The following NUP35 variants were observed in gnomAD, a reference collection of about 807,000 sequenced individuals.
The protein encoded by NUP35 is nucleoporin 35.
NUP35 carries 25 observed loss-of-function variants against 41.5 expected under a neutral mutation model. The ratio of observed to expected loss-of-function variants is 0.60; its 90% CI spans 0.44 to 0.84. The LOEUF is 0.84. NUP35 is among the 40% of genes least tolerant of loss of function. NUP35 has a pLI of 0.00. For synonymous variants in NUP35, 149 were observed against 130.7 expected, an observed-to-expected ratio of 1.14 and a Z score of -0.96; for missense variants, 396 against 396.6, an observed-to-expected ratio of 1.00 and a Z score of 0.01.
intron 4 of NUP35, among the ~76,000 whole-genome samples, chr2:183,137,981 T>C (rs1473492917): frequency 6.6e-6 from 1 of 151,980 alleles, no homozygotes. Flanking sequence ...GGTTTTGTAA[T>C]TGTAGAAACT....
intron 4 of NUP35, among the ~76,000 whole-genome samples, chr2:183,142,930 GT>G (rs1383571638): frequency 1.3e-5 from 2 of 151,904 alleles, no homozygotes; most frequent in Admixed American, 1.3e-4. Flanking sequence ...GCCGAGGTGG[GT>G]GGGTCACGAG....
upstream of NUP35, among the ~76,000 whole-genome samples, chr2:183,119,520 C>T (rs1269162997): frequency 2.6e-5 from 4 of 152,036 alleles, no homozygotes; most frequent in Non-Finnish European, 5.9e-5. Context: ...CAAGACTTTG[C>T]AAATTGGGGT....
At chr2:183,146,006 CAGG>C (rs1685263844) in intron 4 of NUP35, among the ~76,000 whole-genome samples, 1 of 152,160 alleles carries the variant, frequency 6.6e-6, no homozygotes, top group East Asian at 1.9e-4. Flanking sequence ...GAGGCCAAGG[CAGG>C]TGGATCACCT....
At chr2:183,120,732 G>T (rs1291100474), upstream of NUP35, among the ~76,000 whole-genome samples, 1 of 152,180 alleles carries the variant, frequency 6.6e-6, no homozygotes, top group Admixed American at 6.5e-5. Context: ...TTTAGTGAGA[G>T]AGTTGGGCTC....
In NUP35 at chr2:183,124,447, T is replaced by C. The variant is rs763755784; in HGVS notation, c.-11T>C. On this transcript the variant is annotated 5_prime_UTR_variant, in exon 1 of 9. Coordinates refer to ENST00000295119, the MANE Select transcript of NUP35 (RefSeq NM_138285.5). ...GGGAAGGTACTGGTTTTAAGTGTAG[T>C]TGCCGACGCAATGGCAGCCTTTGCA... The C allele has an allele frequency of 6.2e-7, 1 of 1,614,158 alleles. No individual in the cohort carries two copies. The highest frequency in any genetic ancestry group is 1.7e-5 in the Admixed American group (1 of 60,024).
In NUP35 at chr2:183,131,602, A is replaced by G. The variant is rs1417265163; in HGVS notation, c.339+1057A>G. Among the ~76,000 whole-genome samples, 5 of 152,200 alleles carry G rather than the reference A, an allele frequency of 3.3e-5. No individual in the cohort carries two copies. In the East Asian group the frequency reaches 9.6e-4, roughly 29 times the overall value. On this transcript the variant is annotated intron_variant, in intron 3 of 8. Transcript: ENST00000295119. Reference sequence around the variant, plus strand: ...ACTTCTAGACCTGCCTTCCTGTCCAACAGGAGCCACTAGCTAAGTGTGGCT... The same window carrying G: ...ACTTCTAGACCTGCCTTCCTGTCCAGCAGGAGCCACTAGCTAAGTGTGGCT...
At chr2:183,133,489 C>T in intron 3 of NUP35, 77 bp from the exon 4 acceptor site, 2 of 1,117,092 alleles carry the variant, frequency 1.8e-6, no homozygotes, top group Non-Finnish European at 2.6e-6. Context: ...TTCAGTTATC[C>T]ATTGAATGAA....
Position 183,161,050 on chromosome 2 carries a change from A to G in NUP35, c.904-4A>G. ...CCGTTTTTTTTGTGTGTGTTTTTTA[A>G]TAGGTTATTTCTGACAGACAAACGC... On this transcript the variant is annotated splice_polypyrimidine_tract_variant and splice_region_variant and intron_variant, in intron 8 of 8. Transcript: ENST00000295119. The G allele has an allele frequency of 6.2e-7, 1 of 1,609,836 alleles. No homozygotes were observed. The highest frequency in any genetic ancestry group is 8.5e-7 in the Non-Finnish European group (1 of 1,176,696).
intron 1 of NUP35, among the ~76,000 whole-genome samples, chr2:183,117,788 A>G (rs1272698706): frequency 6.6e-6 from 1 of 152,206 alleles, no homozygotes; most frequent in African/African-American, 2.4e-5. Context: ...AATATTCAGT[A>G]TATATGATAG....
chr2:183,153,038 A>C (rs1685524742), intron 5 of NUP35, among the ~76,000 whole-genome samples: 1 of 152,176 alleles, frequency 6.6e-6, no homozygotes, highest in South Asian at 2.1e-4. Flanking sequence ...TGACGGTGTC[A>C]AGAGAAAATG....
rs188472689 is a variant in NUP35 at position 183,156,561 on chromosome 2, G to A, written c.540-883G>A. ...TCACCAGGTTGGCCAGGCTGGTCTC[G>A]AACTCCTGACCTCAAGTGATCCACC... On this transcript the variant is annotated intron_variant, in intron 5 of 8. Transcript: ENST00000295119. Among the ~76,000 whole-genome samples the A allele has an allele frequency of 4.2e-3, 636 of 152,052 alleles. 4 individuals carry two copies. Among genetic ancestry groups the A allele is most frequent in the African/African-American group, 0.012 (517 of 41,502 alleles).
At chr2:183,154,157 A>C (rs1429881528) in intron 5 of NUP35, among the ~76,000 whole-genome samples, 1 of 152,190 alleles carries the variant, frequency 6.6e-6, no homozygotes, top group Non-Finnish European at 1.5e-5. Context: ...CTGGACCACA[A>C]AACCGCTTTT....
chr2:183,140,901 AGCC>A, intron 4 of NUP35, among the ~76,000 whole-genome samples: 1 of 151,904 alleles, frequency 6.6e-6, no homozygotes, highest in Non-Finnish European at 1.5e-5. Context: ...ATTATGAACT[AGCC>A]AGTCCAGATC....
chr2:183,119,810 G>A (rs781339425), upstream of NUP35, among the ~76,000 whole-genome samples: 2 of 152,058 alleles, frequency 1.3e-5, no homozygotes, highest in Non-Finnish European at 2.9e-5. Context: ...TCAGCCTCCT[G>A]AGTAGCTGGG....
chr2:183,130,613 T>C, intron 3 of NUP35, 68 bp downstream of exon 3: 1 of 1,490,726 alleles, frequency 6.7e-7, no homozygotes, highest in Non-Finnish European at 9.2e-7. Context: ...TCAGTGAGAG[T>C]CAATACTTTG....
upstream of NUP35, among the ~76,000 whole-genome samples, chr2:183,124,104 G>C (rs1267518366): frequency 1.3e-5 from 2 of 152,196 alleles, no homozygotes; most frequent in African/African-American, 4.8e-5. Context: ...AAAGCTGACC[G>C]ATGATAGAGC....
At chr2:183,129,817 G>A (rs1452846670) in intron 2 of NUP35, among the ~76,000 whole-genome samples, 1 of 152,172 alleles carries the variant, frequency 6.6e-6, no homozygotes, top group African/African-American at 2.4e-5. Context: ...TCTTACCGAT[G>A]GCCTGGGCTG....
At chr2:183,117,577 C>G (rs1364816447) in exon 1 of NUP35, 2 of 152,186 alleles carry the variant, frequency 1.3e-5, no homozygotes, top group African/African-American at 4.8e-5. Flanking sequence ...TCCCCTTGCT[C>G]TCTTTCTGAA....
upstream of NUP35, chr2:183,123,963 A>G (rs564903528): frequency 1.2e-4 from 41 of 341,114 alleles, no homozygotes; most frequent in South Asian, 4.6e-3. Context: ...CACAAAATTT[A>G]AAAGAAATGG....
Sources: gnomAD v4.1 joint callset for allele counts (sites outside exome capture counted in the v4.1 genomes callset) on GRCh38, gnomAD v4.1.1 for gene constraint, MANE v1.5 for transcripts, NCBI Gene and HGNC (gene_info 2026-07-23, HGNC 2026-07-21) for gene names.